The following PRKG1 variants were observed in gnomAD, a reference collection of about 807,000 sequenced individuals.
The protein encoded by PRKG1 is protein kinase cGMP-dependent 1.
Under a neutral mutation model 88.1 loss-of-function variants are expected in PRKG1, and 35 were observed. That is an observed-to-expected ratio of 0.40 (90% confidence interval 0.30 to 0.53). The LOEUF (loss-of-function observed/expected upper bound fraction) is 0.53, where lower values mean the gene tolerates loss of function less well. Among genes scored for constraint, PRKG1 ranks in the 20% least tolerant of loss-of-function variants. The pLI is 0.59. For synonymous variants in PRKG1, 303 were observed against 292.5 expected (o/e 1.04, Z -0.37); for missense variants, 540 against 839.8 (o/e 0.64, Z 4.41).
intron 9 of PRKG1, among the ~76,000 whole-genome samples, chr10:52,164,951 G>A (rs1838390159): frequency 6.6e-6 from 1 of 152,138 alleles, no homozygotes; most frequent in Non-Finnish European, 1.5e-5. Flanking sequence ...CAACTGTACA[G>A]TTTTGTTTGA....
chr10:51,701,746 A>G (rs912034131), intron 3 of PRKG1, among the ~76,000 whole-genome samples: 1 of 150,076 alleles, frequency 6.7e-6, no homozygotes, highest in Non-Finnish European at 1.5e-5. Flanking sequence ...TGTAGTAATC[A>G]TGAAGATGGT....
chr10:51,848,845 G>A (rs1208661062), intron 4 of PRKG1, among the ~76,000 whole-genome samples: 2 of 130,556 alleles, frequency 1.5e-5, no homozygotes, highest in African/African-American at 4.2e-5. Context: ...TATGGTTTGC[G>A]TTTCTATTTT....
chr10:51,550,394 T>A (rs903272096), intron 3 of PRKG1, among the ~76,000 whole-genome samples: 21 of 152,082 alleles, frequency 1.4e-4, no homozygotes, highest in African/African-American at 3.6e-4. Flanking sequence ...TAGTTTTTTT[T>A]ATGAAATCTC....
chr10:51,781,246 G>C (rs1290160842), intron 3 of PRKG1, among the ~76,000 whole-genome samples: 2 of 152,052 alleles, frequency 1.3e-5, no homozygotes, highest in African/African-American at 4.8e-5. Context: ...ACAGACATCT[G>C]GATCATTTCA....
intron 6 of PRKG1, among the ~76,000 whole-genome samples, chr10:52,057,280 T>C (rs1461570783): frequency 6.6e-6 from 1 of 152,220 alleles, no homozygotes; most frequent in Non-Finnish European, 1.5e-5. Flanking sequence ...AAATAAGCTT[T>C]GCCGTACTTG....
chr10:51,144,497 A>AT (rs1845893924), intron 1 of PRKG1, among the ~76,000 whole-genome samples: 1 of 152,114 alleles, frequency 6.6e-6, no homozygotes, highest in Non-Finnish European at 1.5e-5. Context: ...GAATAGTGGT[A>AT]ATAATAAATA....
chr10:51,140,375 G>A (rs920093298), intron 1 of PRKG1, among the ~76,000 whole-genome samples: 3 of 151,994 alleles, frequency 2.0e-5, no homozygotes, highest in Non-Finnish European at 4.4e-5. Flanking sequence ...TCATATATGA[G>A]GTACTCAAAA....
rs529151183 is a variant in PRKG1, at chr10:51,006,916, G to C, written c.266+15272G>C. Among the ~76,000 whole-genome samples, 281 of 150,632 alleles carry C rather than the reference G, an allele frequency of 1.9e-3. 2 individuals are homozygous for C. Among genetic ancestry groups the C allele is most frequent in the Middle Eastern group, 0.01 (3 of 288 alleles). ...CTTCAATGCAGGTTCTGATTCAGTA[G>C]GTCTGGGGAAGGGCCTGAGATTTTT... On this transcript the variant is annotated intron_variant, in intron 1 of 17. Transcript: ENST00000401604.
At chr10:51,782,543 G>A (rs1838619239) in intron 3 of PRKG1, among the ~76,000 whole-genome samples, 1 of 152,078 alleles carries the variant, frequency 6.6e-6, no homozygotes, top group Non-Finnish European at 1.5e-5. Context: ...GACAGAGCTT[G>A]GACGTTGATA....
chr10:51,247,710 G>A (rs897786755), intron 2 of PRKG1, among the ~76,000 whole-genome samples: 2 of 151,920 alleles, frequency 1.3e-5, no homozygotes, highest in African/African-American at 4.8e-5. Context: ...ATGAGCAAAT[G>A]GAGCCCCACC....
intron 4 of PRKG1, among the ~76,000 whole-genome samples, chr10:51,885,192 A>T (rs1841538238): frequency 6.6e-6 from 1 of 152,240 alleles, no homozygotes; most frequent in African/African-American, 2.4e-5. Flanking sequence ...TAACCTAGGT[A>T]AAACACTTAG....
intron 3 of PRKG1, among the ~76,000 whole-genome samples, chr10:51,798,870 C>G (rs1839088688): frequency 6.6e-6 from 1 of 152,048 alleles, no homozygotes; most frequent in East Asian, 1.9e-4. Context: ...GCTGTCTGCA[C>G]TTTTGAATAA....
intron 2 of PRKG1, among the ~76,000 whole-genome samples, chr10:51,212,747 CA>C (rs1038468936): frequency 1.3e-5 from 2 of 152,158 alleles, no homozygotes; most frequent in African/African-American, 4.8e-5. Context: ...CAGAGAAGTG[CA>C]AATCAAAACC....
chr10:52,251,940 A>C (rs1437048236), intron 10 of PRKG1: 1 of 261,632 alleles, frequency 3.8e-6, no homozygotes, highest in Non-Finnish European at 7.2e-6. Flanking sequence ...CTTAAAGAAG[A>C]GTCATTAAGA....
Position 51,467,783 on chromosome 10 carries a change from T to C in PRKG1, c.539T>C (p.Val180Ala), listed in dbSNP as rs1406292952. Residue 180 changes from valine (V) to alanine (A), a missense_variant, in exon 3 of 18, where the codon GTG becomes GCG. This residue lies in a region of PRKG1 where 400 missense variants were observed against 562.7 expected (regional missense o/e 0.71). Coordinates refer to ENST00000373980, the MANE Select transcript of PRKG1 (RefSeq NM_006258.4). ...VKLCTMGPGK[V>A]FGELAILYNC... ...TTGTGTACCATGGGTCCAGGAAAAG[T>C]GTTTGGGGAATTGGCTATTCTTTAC... The C allele has an allele frequency of 6.2e-7, 1 of 1,612,992 alleles. No individual in the cohort carries two copies. The highest frequency in any genetic ancestry group is 1.7e-5 in the Admixed American group (1 of 59,980).
intron 2 of PRKG1, among the ~76,000 whole-genome samples, chr10:51,389,516 G>T (rs972300125): frequency 3.3e-5 from 5 of 152,078 alleles, no homozygotes; most frequent in African/African-American, 1.2e-4. Context: ...GGTATTGCCT[G>T]TCAGCCACTA....
At chr10:51,579,405 T>A (rs1324771598) in intron 3 of PRKG1, among the ~76,000 whole-genome samples, 1 of 152,150 alleles carries the variant, frequency 6.6e-6, no homozygotes, top group Non-Finnish European at 1.5e-5. Context: ...AATTTTTAAT[T>A]ATCTCTCACT....
intron 3 of PRKG1, among the ~76,000 whole-genome samples, chr10:51,558,624 T>G (rs902935840): frequency 1.3e-5 from 2 of 152,052 alleles, no homozygotes; most frequent in Non-Finnish European, 2.9e-5. Flanking sequence ...CTTAGTTGAT[T>G]TAGCTATAAA....
At chr10:51,118,513 G>T (rs1411493298) in intron 1 of PRKG1, among the ~76,000 whole-genome samples, 1 of 152,100 alleles carries the variant, frequency 6.6e-6, no homozygotes, top group Admixed American at 6.6e-5. Context: ...TATCATTACA[G>T]AAAGCTTTCG....
Sources: allele counts gnomAD v4.1 joint callset (sites outside exome capture counted in the v4.1 genomes callset), GRCh38; gene constraint gnomAD v4.1.1; regional missense constraint gnomAD v4.1.1; transcripts MANE v1.5; gene names NCBI Gene and HGNC (gene_info 2026-07-23, HGNC 2026-07-21).